ASIC2: variants seen among roughly 807,000 people sequenced by gnomAD.
ASIC2 encodes the protein acid-sensing ion channel 2.
In ASIC2, 25 loss-of-function variants were observed where a neutral mutation model predicts 57.3. The ratio of observed to expected loss-of-function variants is 0.44; its 90% CI spans 0.32 to 0.61. The LOEUF is 0.61. Ranked by LOEUF, ASIC2 falls within the 20% of genes least tolerant of loss-of-function variation. The probability of loss-of-function intolerance (pLI) is 0.06; values close to 1 mark genes in which losing one functional copy is unlikely to be tolerated. For missense variants in ASIC2, 641 were observed against 738.1 expected (o/e 0.87, Z 1.52); for synonymous variants, 319 against 307.5 (o/e 1.04, Z -0.39).
intron 1 of ASIC2, among the ~76,000 whole-genome samples, chr17:33,877,570 C>T (rs934796900): frequency 1.3e-5 from 2 of 152,190 alleles, no homozygotes; most frequent in South Asian, 2.1e-4. Flanking sequence ...GAGGGGCACC[C>T]GCCATTGCCC....
At chr17:33,867,295 C>T (rs537620087) in intron 1 of ASIC2, among the ~76,000 whole-genome samples, 1 of 152,334 alleles carries the variant, frequency 6.6e-6, no homozygotes, top group Non-Finnish European at 1.5e-5. Flanking sequence ...TTATCAACAA[C>T]TCCTCTTTCC....
chr17:33,662,668 T>TAAATAAAA (rs530248877), intron 1 of ASIC2, among the ~76,000 whole-genome samples: 15,566 of 127,990 alleles, frequency 0.12, 1,637 homozygotes, highest in African/African-American at 0.27. Flanking sequence ...AATAAATAAA[T>TAAATAAAA]AAGTAAAATA....
chr17:33,710,073 G>A (rs1230802936), intron 1 of ASIC2, among the ~76,000 whole-genome samples: 1 of 152,220 alleles, frequency 6.6e-6, no homozygotes, highest in Non-Finnish European at 1.5e-5. Flanking sequence ...TGATGGAGCA[G>A]AAAGGAGATG....
At chr17:33,757,404 G>T (rs991527933) in intron 1 of ASIC2, among the ~76,000 whole-genome samples, 3 of 152,154 alleles carry the variant, frequency 2.0e-5, no homozygotes, top group African/African-American at 7.2e-5. Flanking sequence ...TGGAAGGATT[G>T]CTTGAGGTCG....
chr17:33,117,338 C>T (rs543072469), intron 1 of ASIC2, among the ~76,000 whole-genome samples: 10 of 151,786 alleles, frequency 6.6e-5, no homozygotes, highest in African/African-American at 9.7e-5. Flanking sequence ...ACCATGCCCG[C>T]CTAATGTTTG....
At chr17:34,118,582 C>T (rs1376904962) in intron 1 of ASIC2, 3 of 152,200 alleles carry the variant, frequency 2.0e-5, no homozygotes, top group African/African-American at 7.2e-5. Context: ...GGTCCCTTTC[C>T]TGGATGTGGG....
At chr17:33,144,920 C>G (rs1904494115) in intron 1 of ASIC2, among the ~76,000 whole-genome samples, 1 of 152,188 alleles carries the variant, frequency 6.6e-6, no homozygotes, top group Non-Finnish European at 1.5e-5. Context: ...TTTTCATTGG[C>G]CTGGAAGCTC....
chr17:33,854,336 A>G (rs1913858388), intron 1 of ASIC2, among the ~76,000 whole-genome samples: 1 of 152,160 alleles, frequency 6.6e-6, no homozygotes, highest in African/African-American at 2.4e-5. Flanking sequence ...CAGACCCTCA[A>G]GGTAAACATG....
chr17:33,072,829 G>A (rs2092074617), intron 3 of ASIC2, among the ~76,000 whole-genome samples: 1 of 152,182 alleles, frequency 6.6e-6, no homozygotes, highest in Non-Finnish European at 1.5e-5. Context: ...TTTCACTCCT[G>A]ATCAATAATG....
At chr17:33,303,488 C>T (rs1420164839) in intron 1 of ASIC2, among the ~76,000 whole-genome samples, 1 of 152,192 alleles carries the variant, frequency 6.6e-6, no homozygotes, top group Non-Finnish European at 1.5e-5. Flanking sequence ...AAAAACATTT[C>T]CTCTTTCAAC....
chr17:33,561,093 A>G (rs2141983903), intron 1 of ASIC2, among the ~76,000 whole-genome samples: 1 of 152,278 alleles, frequency 6.6e-6, no homozygotes, highest in Middle Eastern at 3.4e-3. Context: ...GAGAAAAGGG[A>G]GCATCGTTAT....
At chr17:33,498,568 G>A (rs1004197234) in intron 1 of ASIC2, among the ~76,000 whole-genome samples, 55 of 152,278 alleles carry the variant, frequency 3.6e-4, no homozygotes, top group African/African-American at 1.3e-3. Context: ...CGGCCTGGGG[G>A]AAAGAGTGCA....
At chr17:33,519,783 C>T (rs1287131950) in intron 1 of ASIC2, among the ~76,000 whole-genome samples, 1 of 152,082 alleles carries the variant, frequency 6.6e-6, no homozygotes, top group African/African-American at 2.4e-5. Context: ...GACCGTCTGT[C>T]AAACTTGACC....
chr17:33,552,249 T>C (rs1286006240), intron 1 of ASIC2, among the ~76,000 whole-genome samples: 1 of 152,198 alleles, frequency 6.6e-6, no homozygotes, highest in Non-Finnish European at 1.5e-5. Context: ...CCAAAGCCTT[T>C]TATTACAGAG....
At chr17:33,198,348 T>C (rs979396153) in intron 1 of ASIC2, among the ~76,000 whole-genome samples, 3 of 152,176 alleles carry the variant, frequency 2.0e-5, no homozygotes, top group Non-Finnish European at 2.9e-5. Context: ...TGAGACCCTG[T>C]TTCAAAACAA....
At chr17:33,733,125 A>AGATAGAATATAATTATTGGCCCTAACCCT (rs1183675724) in intron 1 of ASIC2, among the ~76,000 whole-genome samples, 3 of 152,206 alleles carry the variant, frequency 2.0e-5, no homozygotes, top group Non-Finnish European at 4.4e-5. Flanking sequence ...ATTAAAAGAT[A>AGATAGAATATAATTATTGGCCCTAACCCT]GATAGAATAT....
At chr17:33,620,546 C>T (rs1905759574) in intron 1 of ASIC2, among the ~76,000 whole-genome samples, 1 of 152,140 alleles carries the variant, frequency 6.6e-6, no homozygotes, top group Non-Finnish European at 1.5e-5. Flanking sequence ...CTAGTGACAG[C>T]CTGTGAGAAG....
chr17:33,712,065 GA>G (rs1909053401), intron 1 of ASIC2, among the ~76,000 whole-genome samples: 1 of 152,126 alleles, frequency 6.6e-6, no homozygotes, highest in Admixed American at 6.5e-5. Flanking sequence ...ATGGAGAAAG[GA>G]ATTCCCAAGA....
At chr17:33,444,947 C>T (rs1911959666) in intron 1 of ASIC2, among the ~76,000 whole-genome samples, 1 of 152,200 alleles carries the variant, frequency 6.6e-6, no homozygotes, top group Non-Finnish European at 1.5e-5. Flanking sequence ...CATTTGTTTA[C>T]ATACTTCTAT....
Sources: gnomAD v4.1 joint callset for allele counts (sites outside exome capture counted in the v4.1 genomes callset) on GRCh38, gnomAD v4.1.1 for gene constraint, MANE v1.5 for transcripts, NCBI Gene and HGNC (gene_info 2026-07-23, HGNC 2026-07-21) for gene names.